SLC24A3: variants seen among roughly 807,000 people sequenced by gnomAD.
The protein encoded by SLC24A3 is solute carrier family 24 member 3.
SLC24A3 carries 28 observed loss-of-function variants against 75.8 expected under a neutral mutation model. The ratio of observed to expected loss-of-function variants is 0.37; its 90% confidence interval spans 0.27 to 0.51. The LOEUF is 0.51. Among genes scored for constraint, SLC24A3 ranks in the 20% least tolerant of loss-of-function variants. SLC24A3 has a pLI of 0.94. For synonymous variants in SLC24A3, 372 were observed against 334.1 expected, an observed-to-expected ratio of 1.11 and a Z score of -1.24; for missense variants, 663 against 847.8, an observed-to-expected ratio of 0.78 and a Z score of 2.71.
intron 2 of SLC24A3, among the ~76,000 whole-genome samples, chr20:19,390,396 C>T (rs1039965762): frequency 2.0e-5 from 3 of 152,298 alleles, no homozygotes; most frequent in East Asian, 3.9e-4. Context: ...GTGGGCTTGC[C>T]ACTAAAGTCC....
chr20:19,365,722 T>C (rs1210581739), intron 2 of SLC24A3, among the ~76,000 whole-genome samples: 1 of 151,984 alleles, frequency 6.6e-6, no homozygotes, highest in Non-Finnish European at 1.5e-5. Flanking sequence ...ATGACTGTTG[T>C]CTGTGGAGGG....
At position 19,212,875 on chromosome 20, in the gene SLC24A3, T is replaced by TCGCCGCCGC. The variant is rs761595384; in HGVS notation, c.48_56dup (p.Arg18_Arg20dup). On this transcript the variant is annotated inframe_insertion, in exon 1 of 17. Transcript: ENST00000328041. ...CGTCCGGCGACGAGGACCGCGCGCG[T>TCGCCGCCGC]CGCCGCCGCCGCCGCCGCCGCCGGA... The TCGCCGCCGC allele has an allele frequency of 4.8e-6, 6 of 1,254,600 alleles. No individual in the cohort carries two copies. The highest frequency in any genetic ancestry group is 3.5e-5 in the Admixed American group (1 of 28,440). The allele number at this position is 1,254,600 out of a possible 1,614,324, so 77.7% of individuals were successfully genotyped here.
At chr20:19,366,361 G>A (rs1421610256) in intron 2 of SLC24A3, among the ~76,000 whole-genome samples, 2 of 152,126 alleles carry the variant, frequency 1.3e-5, no homozygotes, top group African/African-American at 4.8e-5. Flanking sequence ...TTTAAAAAAC[G>A]ACCTTTAAAT....
Position 19,263,617 on chromosome 20 carries a change from G to A in SLC24A3, c.143-17342G>A, listed in dbSNP as rs1289952644. On this transcript the variant is annotated intron_variant, in intron 1 of 16. Coordinates refer to ENST00000328041, the MANE Select transcript of SLC24A3 (RefSeq NM_020689.4). ...CATCAACCCCTCCTGGTCTGACTGA[G>A]CCACATCCTCTCTCCTTTCCCTGCC... is the stretch of plus-strand genomic sequence containing the variant. Among the ~76,000 whole-genome samples, 5 of 152,186 alleles carry A rather than the reference G, an allele frequency of 3.3e-5. No homozygotes were observed. In the East Asian group the frequency reaches 9.7e-4, roughly 29 times the overall value.
chr20:19,323,023 G>T (rs371857411), intron 2 of SLC24A3, among the ~76,000 whole-genome samples: 1 of 151,686 alleles, frequency 6.6e-6, no homozygotes, highest in East Asian at 1.9e-4. Context: ...TGGCTAACAC[G>T]GTGAAACCCC....
At chr20:19,611,324 G>C (rs1341503681) in intron 6 of SLC24A3, among the ~76,000 whole-genome samples, 1 of 152,156 alleles carries the variant, frequency 6.6e-6, no homozygotes, top group African/African-American at 2.4e-5. Context: ...TCTATCACTG[G>C]AGTGGTTCTT....
rs75846910 is a variant in SLC24A3 at position 19,486,007 on chromosome 20, G to A, written c.272-29481G>A. On this transcript the variant is annotated intron_variant, in intron 2 of 16. Transcript: ENST00000328041. ...TGCAAGGGGTCTGGTATAGGTGGGT[G>A]CAGGGTCAGCTGCAGTGTGGGGGTG... Among the ~76,000 whole-genome samples, 1,471 of 152,274 alleles carry A rather than the reference G, an allele frequency of 9.7e-3. 24 individuals are homozygous for A. Among genetic ancestry groups the A allele is most frequent in the African/African-American group, 0.034 (1,403 of 41,540 alleles).
At chr20:19,373,076 C>T (rs535496976) in intron 2 of SLC24A3, among the ~76,000 whole-genome samples, 1 of 151,284 alleles carries the variant, frequency 6.6e-6, no homozygotes, top group African/African-American at 2.4e-5. Context: ...TTTTTTTGGC[C>T]CATTTTTATT....
At chr20:19,468,189 A>G (rs1198945066) in intron 2 of SLC24A3, among the ~76,000 whole-genome samples, 1 of 152,174 alleles carries the variant, frequency 6.6e-6, no homozygotes, top group Non-Finnish European at 1.5e-5. Flanking sequence ...TAGAGCACAG[A>G]TATAAGATGG....
At chr20:19,447,719 C>A (rs939983528) in intron 2 of SLC24A3, among the ~76,000 whole-genome samples, 1 of 152,166 alleles carries the variant, frequency 6.6e-6, no homozygotes, top group Non-Finnish European at 1.5e-5. Context: ...GGTTGTTCCT[C>A]TGTGAAGCTA....
intron 1 of SLC24A3, among the ~76,000 whole-genome samples, chr20:19,224,726 T>A (rs1243851019): frequency 1.3e-5 from 2 of 152,188 alleles, no homozygotes; most frequent in East Asian, 3.8e-4. Context: ...AATCTTAACA[T>A]CCTGTTTTAC....
At chr20:19,526,094 CT>C (rs1203112835) in intron 3 of SLC24A3, among the ~76,000 whole-genome samples, 1 of 152,198 alleles carries the variant, frequency 6.6e-6, no homozygotes, top group Non-Finnish European at 1.5e-5. Context: ...CACTGCCAGT[CT>C]CCCCGATAGC....
chr20:19,354,290 C>T (rs998533360), intron 2 of SLC24A3, among the ~76,000 whole-genome samples: 1 of 151,856 alleles, frequency 6.6e-6, no homozygotes, highest in Non-Finnish European at 1.5e-5. Context: ...ATGAAAGGAA[C>T]CAGACACAAA....
chr20:19,437,011 G>T (rs995032321), intron 2 of SLC24A3, among the ~76,000 whole-genome samples: 2 of 152,226 alleles, frequency 1.3e-5, no homozygotes, highest in South Asian at 2.1e-4. Flanking sequence ...ACGGATAAAT[G>T]AGTGAACAGA....
At chr20:19,425,914 G>C (rs1054878230) in intron 2 of SLC24A3, among the ~76,000 whole-genome samples, 2 of 152,112 alleles carry the variant, frequency 1.3e-5, no homozygotes, top group African/African-American at 2.4e-5. Context: ...TCAGTTTTGC[G>C]CACTTCCAGG....
At chr20:19,214,383 C>T (rs1346903566) in intron 1 of SLC24A3, among the ~76,000 whole-genome samples, 2 of 152,162 alleles carry the variant, frequency 1.3e-5, no homozygotes, top group Non-Finnish European at 2.9e-5. Context: ...AGACTTCTGT[C>T]TACTGACAGT....
intron 6 of SLC24A3, among the ~76,000 whole-genome samples, chr20:19,600,445 A>G (rs1423471755): frequency 1.3e-5 from 2 of 152,212 alleles, no homozygotes; most frequent in East Asian, 3.8e-4. Flanking sequence ...TTTTATGACA[A>G]TAAAATAAAA....
At chr20:19,569,613 A>G (rs567006220) in intron 3 of SLC24A3, among the ~76,000 whole-genome samples, 1 of 152,176 alleles carries the variant, frequency 6.6e-6, no homozygotes, top group South Asian at 2.1e-4. Context: ...ACCTCAACTG[A>G]TGGGAAGCTG....
intron 3 of SLC24A3, among the ~76,000 whole-genome samples, chr20:19,572,918 A>T (rs2031076476): frequency 1.3e-5 from 2 of 152,180 alleles, no homozygotes; most frequent in Admixed American, 1.3e-4. Flanking sequence ...TTCCAAGCTT[A>T]ATTATATGTG....
Sources: allele counts gnomAD v4.1 joint callset (sites outside exome capture counted in the v4.1 genomes callset), GRCh38; gene constraint gnomAD v4.1.1; transcripts MANE v1.5; gene names NCBI Gene and HGNC (gene_info 2026-07-23, HGNC 2026-07-21).